NBPF15: variants seen among roughly 807,000 people sequenced by gnomAD.
NBPF15 encodes the protein NBPF member 15.
A neutral mutation model predicts 62.2 loss-of-function variants in NBPF15; 74 were observed. That is an observed-to-expected ratio of 1.19 (90% CI 0.99 to 1.44). NBPF15 has a LOEUF of 1.44. NBPF15 is among the 40% of genes most tolerant of loss of function. The pLI, the probability that NBPF15 is intolerant of heterozygous loss-of-function variation, is 0.00. For synonymous variants in NBPF15, 244 were observed against 209.7 expected, an observed-to-expected ratio of 1.16 and a Z score of -1.41; for missense variants, 790 against 550.0, an observed-to-expected ratio of 1.44 and a Z score of -4.36.
intron 4 of NBPF15, among the ~76,000 whole-genome samples, chr1:144,453,740 G>T (rs1348076816): frequency 7.2e-6 from 1 of 138,092 alleles, no homozygotes; most frequent in Non-Finnish European, 1.6e-5. Flanking sequence ...AAAATCATTT[G>T]TTGTGAGGGA....
chr1:144,455,139 G>GAAAAGGAGGGAGGGAGGAAT (rs1693642461), intron 4 of NBPF15, among the ~76,000 whole-genome samples: 1 of 146,580 alleles, frequency 6.8e-6, no homozygotes, highest in Non-Finnish European at 1.5e-5. Context: ...GAGGGAGGAA[G>GAAAAGGAGGGAGGGAGGAAT]AAAAGGAGGG....
rs1681642078 is a variant in NBPF15, at chr1:144,440,034, A to T, written c.-31T>A. 1 of 1,601,216 alleles carries T rather than the reference A, an allele frequency of 6.2e-7. No individual in the cohort carries two copies. The highest frequency in any genetic ancestry group is 8.5e-7 in the Non-Finnish European group (1 of 1,170,202). ...CGTTTGTGGCAGAAGAGGTGGAGTCAGGGACTGGGGAGAAGAAACCCAAAC... is the reference window on the plus strand; with the variant it reads ...CGTTTGTGGCAGAAGAGGTGGAGTCTGGGACTGGGGAGAAGAAACCCAAAC... On this transcript the variant is annotated 5_prime_UTR_variant, in exon 8 of 22. Transcript: ENST00000581897.
chr1:144,435,578 C>T (rs1158850171), intron 11 of NBPF15, among the ~76,000 whole-genome samples: 3 of 152,030 alleles, frequency 2.0e-5, no homozygotes, highest in Non-Finnish European at 4.4e-5. Context: ...TCAGCTATCC[C>T]TGTACGGTGC....
intron 6 of NBPF15, among the ~76,000 whole-genome samples, chr1:144,442,317 T>TTA (rs1361892809): frequency 3.6e-4 from 46 of 128,224 alleles, no homozygotes; most frequent in South Asian, 6.8e-4. Flanking sequence ...CGTGTATATA[T>TTA]TATATATATA....
rs201216655 is a variant in NBPF15 at position 144,426,412 on chromosome 1, A to G, written c.1304T>C (p.Val435Ala). The G allele has an allele frequency of 4.6e-4, 369 of 796,252 alleles. 6 individuals carry two copies. In the East Asian group the frequency reaches 8.9e-3, roughly 19 times the overall value. The allele number at this position is 796,252 out of a possible 1,614,324, so 49.3% of individuals were successfully genotyped here. ...ACATCTATCCAGTGAGTCCTGCAAG[A>G]CTTCAGGCTCTTTCTCATCCAGCAG... is the stretch of plus-strand genomic sequence containing the variant. ...RELLDEKEPE[V>A]LQDSLDRCYS... Residue 435 changes from valine (V) to alanine (A), a missense_variant, in exon 18 of 22, where the codon GTC (valine) becomes GCC (alanine). Transcript: ENST00000581897.
At chr1:144,452,948 C>T (rs1407543174) in intron 4 of NBPF15, among the ~76,000 whole-genome samples, 2 of 151,358 alleles carry the variant, frequency 1.3e-5, no homozygotes, top group Non-Finnish European at 2.9e-5. Flanking sequence ...CTGGCTAGAA[C>T]ATTAAAAACT....
chr1:144,447,858 A>G (rs1282251928), intron 6 of NBPF15, among the ~76,000 whole-genome samples: 1 of 152,032 alleles, frequency 6.6e-6, no homozygotes, highest in African/African-American at 2.4e-5. Context: ...GCCTCGCTCA[A>G]TTATGGGTTG....
chr1:144,451,298 C>T (rs1477163407), intron 4 of NBPF15, among the ~76,000 whole-genome samples: 70 of 152,170 alleles, frequency 4.6e-4, no homozygotes, highest in East Asian at 1.5e-3. Context: ...CAGTTTTCTC[C>T]TATCTCAGTA....
intron 6 of NBPF15, among the ~76,000 whole-genome samples, 167 bp downstream of exon 6, chr1:144,448,608 A>G (rs1181138508): frequency 9.2e-5 from 14 of 151,880 alleles, no homozygotes; most frequent in Middle Eastern, 3.2e-3. Context: ...TTATCTAAAG[A>G]ATGTTTAGAA....
intron 3 of NBPF15, among the ~76,000 whole-genome samples, chr1:144,459,033 C>T (rs1175773929): frequency 4.1e-5 from 6 of 147,924 alleles, no homozygotes; most frequent in African/African-American, 1.5e-4. Context: ...GAGTGAGGCC[C>T]TGTCTGAAAA....
In NBPF15 at chr1:144,426,361, T is replaced by C. The variant is rs1553539238; in HGVS notation, c.1355A>G (p.Glu452Gly). Residue 452 changes from glutamate to glycine, a missense_variant, in exon 18 of 22, where the codon GAA (glutamate) becomes GGA (glycine). By Grantham distance (98) the Glu-to-Gly change is moderately conservative. Coordinates refer to ENST00000581897, the MANE Select transcript of NBPF15 (RefSeq NM_001385408.1). ...RCYSTPSDYL[E>G]LPDLGQPYSS... ...GTAGGGCTGGCCTAAGTCAGGCAGTTCAAGATAATCTGAAGGAGTCGAATA... is the reference window on the plus strand; with the variant it reads ...GTAGGGCTGGCCTAAGTCAGGCAGTCCAAGATAATCTGAAGGAGTCGAATA... 5.7e-6 allele frequency: 5 copies of C among 871,488 alleles called. No homozygotes were observed. The highest frequency in any genetic ancestry group is 5.9e-6 in the Non-Finnish European group (3 of 505,098). The allele number at this position is 871,488 out of a possible 1,614,324, so 54.0% of individuals were successfully genotyped here. A position where few individuals can be genotyped will look rare whatever the true frequency, so the allele number is the denominator to read the frequency against.
In NBPF15 at chr1:144,440,237, C is replaced by T. The variant is rs1681768384; in HGVS notation, c.-132G>A. ...CTCAACTCAGAGCTGAAAGCACTGTCAGTAGCGCAGACTCTGATAAGAGTG... is the reference window on the plus strand; with the variant it reads ...CTCAACTCAGAGCTGAAAGCACTGTTAGTAGCGCAGACTCTGATAAGAGTG... On this transcript the variant is annotated 5_prime_UTR_variant, in exon 7 of 22. It removes the in-frame stop codon of an upstream open reading frame in the 5' UTR. Coordinates refer to ENST00000581897, the MANE Select transcript of NBPF15 (RefSeq NM_001385408.1). The T allele has an allele frequency of 6.6e-7, 1 of 1,519,948 alleles. No homozygotes were observed. The highest frequency in any genetic ancestry group is 2.0e-5 in the Admixed American group (1 of 50,746). 94.2% of individuals were successfully genotyped at this position (1,519,948 alleles called of 1,614,324 possible).
In NBPF15 at chr1:144,453,592, G is replaced by T. The variant is rs1208047307; in HGVS notation, c.-431-2722C>A. ...TACAAAATAATCTGATGGAAAAACT[G>T]CTGTCCAAAATATATGAAGAATTCT... On this transcript the variant is annotated intron_variant, in intron 4 of 21. Coordinates refer to ENST00000581897, the MANE Select transcript of NBPF15 (RefSeq NM_001385408.1). Among the ~76,000 whole-genome samples the T allele has an allele frequency of 2.1e-5, 3 of 140,818 alleles. No homozygotes were observed. The Admixed American group carries it at 2.3e-4, about 11-fold the overall frequency. 92.4% of individuals were successfully genotyped at this position (140,818 alleles called of 152,430 possible).
chr1:144,434,337 C>G (rs1676605342), intron 12 of NBPF15, among the ~76,000 whole-genome samples: 1 of 144,430 alleles, frequency 6.9e-6, no homozygotes, highest in Non-Finnish European at 1.5e-5. Context: ...CCTGTCTCTA[C>G]TAAAAATACA....
intron 15 of NBPF15, among the ~76,000 whole-genome samples, chr1:144,428,350 A>T (rs1305324991): frequency 5.9e-5 from 9 of 151,888 alleles, no homozygotes; most frequent in African/African-American, 1.9e-4. Context: ...AAATGTGCTC[A>T]AGTTTCCCTG....
chr1:144,438,595 G>A (rs1352730759), intron 8 of NBPF15, among the ~76,000 whole-genome samples: 4 of 152,102 alleles, frequency 2.6e-5, no homozygotes, highest in African/African-American at 9.6e-5. Flanking sequence ...AGGCCATGAA[G>A]GAAATATGCC....
chr1:144,458,235 G>T (rs2102886100), intron 3 of NBPF15, among the ~76,000 whole-genome samples: 1 of 151,978 alleles, frequency 6.6e-6, no homozygotes, highest in Non-Finnish European at 1.5e-5. Flanking sequence ...GTATACCTAA[G>T]AACAATGAAG....
At chr1:144,427,716 G>A (rs879981861) in intron 16 of NBPF15, 102 bp downstream of exon 16, 8 of 613,764 alleles carry the variant, frequency 1.3e-5, no homozygotes, top group South Asian at 3.9e-5. Flanking sequence ...CCTCCCTGTG[G>A]CAATGACATC....
At chr1:144,429,473 G>T (rs1672609562) in intron 14 of NBPF15, among the ~76,000 whole-genome samples, 1 of 150,742 alleles carries the variant, frequency 6.6e-6, no homozygotes, top group Non-Finnish European at 1.5e-5. Flanking sequence ...GTCAGTCCAG[G>T]TTGGCACGGG....
Sources: allele counts gnomAD v4.1 joint callset (sites outside exome capture counted in the v4.1 genomes callset), GRCh38; gene constraint gnomAD v4.1.1; transcripts MANE v1.5; gene names NCBI Gene and HGNC (gene_info 2026-07-23, HGNC 2026-07-21).